The following MYBPC1 variants were observed in gnomAD, a reference collection of about 807,000 sequenced individuals.
MYBPC1 encodes the protein myosin-binding protein C, slow-type.
A neutral mutation model predicts 147.1 loss-of-function variants in MYBPC1; 52 were observed. The observed-to-expected ratio is 0.35, with a 90% CI of 0.28 to 0.45. The LOEUF (loss-of-function observed/expected upper bound fraction) is 0.45, where lower values mean the gene tolerates loss of function less well. MYBPC1 is among the 20% of genes least tolerant of loss of function. MYBPC1 has a pLI of 1.00. For synonymous variants in MYBPC1, 477 were observed against 475.9 expected, an observed-to-expected ratio of 1.00 and a Z score of -0.03; for missense variants, 1,228 against 1,440.3, an observed-to-expected ratio of 0.85 and a Z score of 2.39.
At chr12:101,678,634 AAGAC>A (rs1306651334) in intron 28 of MYBPC1, among the ~76,000 whole-genome samples, 2 of 152,240 alleles carry the variant, frequency 1.3e-5, no homozygotes, top group African/African-American at 2.4e-5. Context: ...ACTACACTGT[AAGAC>A]AGAATATGAA....
Position 101,659,486 on chromosome 12 carries a change from T to C in MYBPC1, c.1768-186T>C, listed in dbSNP as rs139530646. Among the ~76,000 whole-genome samples, 7 of 152,228 alleles carry C rather than the reference T, an allele frequency of 4.6e-5. No homozygotes were observed. The East Asian group carries it at 1.4e-3, about 29-fold the overall frequency. ...CCTTGTCATTAGAGTTGGGGGAGAA[T>C]TAAACTGAGAAAACATATAATAGGC... On this transcript the variant is annotated intron_variant, in intron 18 of 31. Transcript: ENST00000361466.
At chr12:101,603,919 A>C (rs960635724) in intron 1 of MYBPC1, among the ~76,000 whole-genome samples, 1 of 152,228 alleles carries the variant, frequency 6.6e-6, no homozygotes, top group Non-Finnish European at 1.5e-5. Context: ...TGGCAGAGTG[A>C]GACTCTGTCT....
rs374148149 is a variant in MYBPC1 at position 101,667,838 on chromosome 12, T to C, written c.2463T>C (p.Asn821=). The change falls in exon 23 of 32, where the codon AAT becomes AAC. Residue 821 remains asparagine, a synonymous_variant. Transcript: ENST00000361466. ...TCTTTGTGCGTGTGAAGGCTGTTAATGCAGCTGGTGCCAGCGAGCCCAAGT... is the reference window on the plus strand; with the variant it reads ...TCTTTGTGCGTGTGAAGGCTGTTAACGCAGCTGGTGCCAGCGAGCCCAAGT... The part of the protein sequence containing the change: ...AKIFVRVKAV[N]AAGASEPKYY... The C allele has an allele frequency of 9.4e-5, 151 of 1,614,208 alleles. 3 individuals carry two copies. The South Asian group carries it at 1.6e-3, about 17-fold the overall frequency.
the MYBPC1 span, among the ~76,000 whole-genome samples, chr12:101,693,013 C>A: frequency 6.9e-6 from 1 of 145,308 alleles, no homozygotes; most frequent in Non-Finnish European, 1.5e-5. Context: ...GTGGCGCGAT[C>A]TCAGCTCACT....
intron 12 of MYBPC1, among the ~76,000 whole-genome samples, chr12:101,646,088 GGTTA>G (rs1408419478): frequency 1.6e-4 from 25 of 152,062 alleles, no homozygotes; most frequent in Non-Finnish European, 2.9e-5. Context: ...TACATGAATT[GGTTA>G]GTTAAAGAAT....
At chr12:101,684,183 AT>A (rs1951206146) in intron 30 of MYBPC1, among the ~76,000 whole-genome samples, 198 bp from the exon 31 acceptor site, 1 of 152,124 alleles carries the variant, frequency 6.6e-6, no homozygotes, top group South Asian at 2.1e-4. Context: ...CATATTAATG[AT>A]CCTTTTGACG....
At chr12:101,633,899 T>TC (rs1890452908) in intron 8 of MYBPC1, among the ~76,000 whole-genome samples, 1 of 151,026 alleles carries the variant, frequency 6.6e-6, no homozygotes, top group Non-Finnish European at 1.5e-5. Context: ...GGAGGGCTTT[T>TC]TTTTTTTTTT....
rs144426555 is a variant in MYBPC1 at position 101,597,220 on chromosome 12, G to A, written c.25+2125G>A. Among the ~76,000 whole-genome samples the A allele has an allele frequency of 5.4e-3, 818 of 152,192 alleles. 11 individuals are homozygous for A. The highest frequency in any genetic ancestry group is 3.4e-3 in the Non-Finnish European group (230 of 67,998). ...GCCTCCCTCTGAAAAATAAAACATG[G>A]CCTAGAGCCAGTTCTTCAGAATCAT... On this transcript the variant is annotated intron_variant, in intron 1 of 31. Transcript: ENST00000361466.
In MYBPC1 at chr12:101,598,192, G is replaced by T. The variant is rs183242451; in HGVS notation, c.25+3097G>T. 1.2e-3 allele frequency among the ~76,000 whole-genome samples: 184 copies of T among 152,034 alleles called. 4 individuals are homozygous for T. In the East Asian group the frequency reaches 0.029, roughly 24 times the overall value. ...CCACCAACACGCCCAGCTAATTTTT[G>T]TATTTTTAGTAGAGACGAGGTTTCG... On this transcript the variant is annotated intron_variant, in intron 1 of 31. Transcript: ENST00000361466.
chr12:101,618,919 A>G (rs1337140613), intron 3 of MYBPC1, among the ~76,000 whole-genome samples: 1 of 146,782 alleles, frequency 6.8e-6, no homozygotes. Flanking sequence ...TATAATGGCA[A>G]ATACATGTAT....
At chr12:101,645,357 G>A (rs777381970) in intron 12 of MYBPC1, among the ~76,000 whole-genome samples, 9 of 152,148 alleles carry the variant, frequency 5.9e-5, no homozygotes, top group Non-Finnish European at 1.0e-4. Context: ...AGATGGAGAC[G>A]GACTAAAGAC....
intron 8 of MYBPC1, 143 bp downstream of exon 8, chr12:101,632,281 C>T: frequency 2.9e-6 from 2 of 701,144 alleles, no homozygotes; most frequent in Non-Finnish European, 5.1e-6. Flanking sequence ...TCTCAGCAAG[C>T]TTGCTGAATT....
intron 13 of MYBPC1, 41 bp downstream of exon 13, chr12:101,646,928 G>C: frequency 6.2e-7 from 1 of 1,611,506 alleles, no homozygotes; most frequent in Non-Finnish European, 8.5e-7. Context: ...AGGAGCTGTT[G>C]GCTTCTTCTC....
At chr12:101,667,978 A>T (rs554876709) in intron 23 of MYBPC1, 79 bp downstream of exon 23, 4 of 1,487,066 alleles carry the variant, frequency 2.7e-6, no homozygotes, top group Non-Finnish European at 3.7e-6. Context: ...TTTCTTTCTC[A>T]AAACCTCCTA....
intron 10 of MYBPC1, among the ~76,000 whole-genome samples, chr12:101,641,771 C>A (rs1281575084): frequency 6.6e-6 from 1 of 151,898 alleles, no homozygotes; most frequent in East Asian, 1.9e-4. Flanking sequence ...AATTTTAAAA[C>A]CATCAGTATC....
chr12:101,643,501 G>A (rs1168542101), intron 11 of MYBPC1, among the ~76,000 whole-genome samples: 1 of 152,028 alleles, frequency 6.6e-6, no homozygotes, highest in African/African-American at 2.4e-5. Flanking sequence ...TGTGGTAGAT[G>A]GCTTTTTTAA....
Position 101,685,566 on chromosome 12 carries a change from T to G in MYBPC1, c.*20-16T>G. The G allele has an allele frequency of 2.0e-6, 3 of 1,489,272 alleles. No individual in the cohort carries two copies. Among genetic ancestry groups the G allele is most frequent in the Non-Finnish European group, 2.7e-6 (3 of 1,104,924 alleles). The allele number at this position is 1,489,272 out of a possible 1,614,324, so 92.3% of individuals were successfully genotyped here. ...GATGGTTTTGATTTGTCTGTTTTCCTTTTGGTCCTCTCTAGGTGGGCTCTC... is the reference window on the plus strand; with the variant it reads ...GATGGTTTTGATTTGTCTGTTTTCCGTTTGGTCCTCTCTAGGTGGGCTCTC... On this transcript the variant is annotated splice_polypyrimidine_tract_variant and intron_variant, in intron 31 of 31. Transcript: ENST00000361466.
intron 15 of MYBPC1, among the ~76,000 whole-genome samples, chr12:101,650,182 T>A (rs1894129861): frequency 6.6e-6 from 1 of 152,190 alleles, no homozygotes; most frequent in Admixed American, 6.5e-5. Flanking sequence ...GCAATTATAA[T>A]CCATTCTGCT....
chr12:101,595,036 G>A lies in MYBPC1; in HGVS notation c.-35G>A, dbSNP rs201912171. 2.6e-5 allele frequency: 42 copies of A among 1,609,006 alleles called. No individual in the cohort carries two copies. The highest frequency in any genetic ancestry group is 3.1e-5 in the Non-Finnish European group (37 of 1,176,022). ...TTCTGTCAACTAGTCGTGGAGGGAA[G>A]GAGACTCTTTAAAGAATAACATCTT... On this transcript the variant is annotated 5_prime_UTR_variant, in exon 1 of 32. Transcript: ENST00000361466.
Sources: gnomAD v4.1 joint callset for allele counts (sites outside exome capture counted in the v4.1 genomes callset) on GRCh38, gnomAD v4.1.1 for gene constraint, MANE v1.5 for transcripts, NCBI Gene and HGNC (gene_info 2026-07-23, HGNC 2026-07-21) for gene names.